ITGAV: variants seen among roughly 807,000 people sequenced by gnomAD.
ITGAV encodes integrin subunit alpha V, also known as integrin alpha-V.
ITGAV carries 76 observed loss-of-function variants against 143.8 expected under a neutral mutation model. The observed-to-expected ratio is 0.53, with a 90% CI of 0.44 to 0.64. The LOEUF (loss-of-function observed/expected upper bound fraction) is 0.64. Ranked by LOEUF, ITGAV falls within the 30% of genes least tolerant of loss-of-function variation. The pLI is 0.00. For synonymous variants in ITGAV, 453 were observed against 446.7 expected, an observed-to-expected ratio of 1.01 and a Z score of -0.18; for missense variants, 1,193 against 1,274.7, an observed-to-expected ratio of 0.94 and a Z score of 0.98.
chr2:186,632,274 T>C (rs1687833065), intron 5 of ITGAV, among the ~76,000 whole-genome samples: 1 of 152,150 alleles, frequency 6.6e-6, no homozygotes, highest in African/African-American at 2.4e-5. Flanking sequence ...AAATATATAA[T>C]GTCCATCTTT....
chr2:186,640,983 A>C lies in ITGAV; in HGVS notation c.956+16A>C. On this transcript the variant is annotated intron_variant, in intron 11 of 29. Transcript: ENST00000261023. ...ATGGAGATGAGTAAGTTTAAAAAAA[A>C]ATGTTTCCAGAAAGTTATCTTCTCA... 1 of 1,576,372 alleles carries C rather than the reference A, an allele frequency of 6.3e-7. No individual in the cohort carries two copies. The highest frequency in any genetic ancestry group is 8.7e-7 in the Non-Finnish European group (1 of 1,154,894).
rs545851146 is a variant in ITGAV at position 186,663,424 on chromosome 2, A to G, written c.1858-344A>G. Among the ~76,000 whole-genome samples, 218 of 152,304 alleles carry G rather than the reference A, an allele frequency of 1.4e-3. 3 individuals are homozygous for G. The Middle Eastern group carries it at 0.017, about 12-fold the overall frequency. On this transcript the variant is annotated intron_variant, in intron 18 of 29. Transcript: ENST00000261023. Reference sequence around the variant, plus strand: ...CTCACAACTTAACTAGCAGCAGGGTAAAAATGAAGCCTCATTTCTTGGCTA... The same window carrying G: ...CTCACAACTTAACTAGCAGCAGGGTGAAAATGAAGCCTCATTTCTTGGCTA...
chr2:186,614,605 T>G lies in ITGAV; in HGVS notation c.317-7734T>G, dbSNP rs73050265. ...TATCTTGTTTTAATTTACATTTCTGTCATTTCTGGTAAGCTTGAGTCTTTT... is the reference window on the plus strand; with the variant it reads ...TATCTTGTTTTAATTTACATTTCTGGCATTTCTGGTAAGCTTGAGTCTTTT... On this transcript the variant is annotated intron_variant, in intron 2 of 29. Transcript: ENST00000261023. Among the ~76,000 whole-genome samples the G allele has an allele frequency of 7.7e-3, 1,167 of 152,164 alleles. 19 individuals are homozygous for G. Among genetic ancestry groups the G allele is most frequent in the African/African-American group, 0.027 (1,123 of 41,566 alleles).
intron 14 of ITGAV, 29 bp downstream of exon 14, chr2:186,649,914 G>A (rs200037871): frequency 1.5e-5 from 21 of 1,435,408 alleles, no homozygotes; most frequent in Admixed American, 2.2e-5. Flanking sequence ...CTGCGGTATA[G>A]GAATATTCTG....
chr2:186,651,302 G>A (rs1688421609), intron 14 of ITGAV, among the ~76,000 whole-genome samples: 1 of 152,174 alleles, frequency 6.6e-6, no homozygotes, highest in Admixed American at 6.5e-5. Context: ...ATTGACTTGA[G>A]CCAGCTGTAT....
chr2:186,642,352 TAAG>T (rs1027166069), intron 12 of ITGAV, among the ~76,000 whole-genome samples: 2 of 150,516 alleles, frequency 1.3e-5, no homozygotes, highest in African/African-American at 2.4e-5. Flanking sequence ...AGGTATACAT[TAAG>T]AAGAAAACTT....
At chr2:186,614,862 A>G (rs1687309819) in intron 2 of ITGAV, among the ~76,000 whole-genome samples, 1 of 151,952 alleles carries the variant, frequency 6.6e-6, no homozygotes, top group Admixed American at 6.5e-5. Flanking sequence ...AGTTTTATTG[A>G]GATATAATTT....
chr2:186,680,451 T>G lies in ITGAV; in HGVS notation c.*3159T>G, dbSNP rs1689321041. 1 of 152,554 alleles carries G rather than the reference T, an allele frequency of 6.6e-6. No individual in the cohort carries two copies. The highest frequency in any genetic ancestry group is 6.6e-5 in the Admixed American group (1 of 15,266). 9.5% of individuals were successfully genotyped at this position (152,554 alleles called of 1,614,324 possible). ...GAGAGGTACTGAATCTTTGATGTTT[T>G]TTGTCATTGTTCTCAAGTGCAATAT... is the stretch of plus-strand genomic sequence containing the variant. On this transcript the variant is annotated 3_prime_UTR_variant, in exon 30 of 30. Coordinates refer to ENST00000261023, the MANE Select transcript of ITGAV (RefSeq NM_002210.5).
rs762789369 is a variant in ITGAV, at chr2:186,641,546, G to A, written c.1117G>A (p.Ala373Thr). The change falls in exon 12 of 30, where the codon GCC becomes ACC. Residue 373 changes from alanine to threonine, a missense_variant. Coordinates refer to ENST00000261023, the MANE Select transcript of ITGAV (RefSeq NM_002210.5). ...TGAGGTCTTTGCACGGTTTGGCAGTGCCATAGCTCCTTTGGGAGATCTGGA... is the reference window on the plus strand; with the variant it reads ...TGAGGTCTTTGCACGGTTTGGCAGTACCATAGCTCCTTTGGGAGATCTGGA... ...GFEVFARFGS[A>T]IAPLGDLDQD... 1.1e-5 allele frequency: 18 copies of A among 1,614,034 alleles called. No individual in the cohort carries two copies. The Admixed American group carries it at 3.0e-4, about 27-fold the overall frequency.
chr2:186,663,486 G>A (rs1306136114), intron 18 of ITGAV, among the ~76,000 whole-genome samples: 1 of 152,078 alleles, frequency 6.6e-6, no homozygotes, highest in Non-Finnish European at 1.5e-5. Context: ...ATTCAAATAT[G>A]ATAACAGCTT....
chr2:186,667,183 A>G lies in ITGAV; in HGVS notation c.2280A>G (p.Val760=), dbSNP rs764755228. Reference sequence around the variant, plus strand: ...TATTTGACAAAGTAAGCCCAGTTGTATCTCACAAAGTTGATCTTGCTGTTT... The same window carrying G: ...TATTTGACAAAGTAAGCCCAGTTGTGTCTCACAAAGTTGATCTTGCTGTTT... The part of the protein sequence containing the change: ...SNLFDKVSPV[V]SHKVDLAVLA... The change falls in exon 23 of 30, where the codon GTA becomes GTG. Residue 760 remains valine (V), a synonymous_variant. Transcript: ENST00000261023. The G allele has an allele frequency of 3.1e-6, 5 of 1,611,884 alleles. No individual in the cohort carries two copies. The highest frequency in any genetic ancestry group is 1.7e-4 in the Middle Eastern group (1 of 6,030).
At chr2:186,669,480 A>C (rs1431794634) in intron 25 of ITGAV, among the ~76,000 whole-genome samples, 1 of 152,238 alleles carries the variant, frequency 6.6e-6, no homozygotes, top group Non-Finnish European at 1.5e-5. Context: ...GCAAGGGCTG[A>C]AAATAATGGT....
intron 26 of ITGAV, among the ~76,000 whole-genome samples, chr2:186,671,982 C>T (rs1246290362): frequency 3.6e-5 from 5 of 138,960 alleles, no homozygotes; most frequent in African/African-American, 8.1e-5. Context: ...GACAGAGTCT[C>T]GCTCTGTCAC....
At chr2:186,625,642 G>A in intron 4 of ITGAV, 55 bp downstream of exon 4, 1 of 839,478 alleles carries the variant, frequency 1.2e-6, no homozygotes, top group Admixed American at 2.6e-5. Context: ...AGCCTAGTTT[G>A]TTAAAAATAT....
At chr2:186,617,607 G>A (rs1687401297) in intron 2 of ITGAV, among the ~76,000 whole-genome samples, 1 of 152,114 alleles carries the variant, frequency 6.6e-6, no homozygotes, top group Admixed American at 6.5e-5. Context: ...GAAAGTGGTA[G>A]CATAGAGCCT....
At position 186,677,415 on chromosome 2, in the gene ITGAV, T is replaced by C; in HGVS notation, c.*123T>C. On this transcript the variant is annotated 3_prime_UTR_variant, in exon 30 of 30. Coordinates refer to ENST00000261023, the MANE Select transcript of ITGAV (RefSeq NM_002210.5). ...TACTGCTGATAGTGCTAATTGGCAT[T>C]AACCACAAAATGAGAATTATATTTG... 3.0e-6 allele frequency: 2 copies of C among 675,596 alleles called. No homozygotes were observed. Among genetic ancestry groups the C allele is most frequent in the Non-Finnish European group, 5.2e-6 (2 of 385,288 alleles). 41.9% of individuals were successfully genotyped at this position (675,596 alleles called of 1,614,324 possible). A position where few individuals can be genotyped will look rare whatever the true frequency, so the allele number is the denominator to read the frequency against.
intron 4 of ITGAV, 68 bp from the exon 5 acceptor site, chr2:186,630,729 T>G: frequency 1.2e-6 from 1 of 852,894 alleles, no homozygotes; most frequent in Non-Finnish European, 2.0e-6. Flanking sequence ...TGATATCAGA[T>G]TTTCTCATGT....
At chr2:186,591,674 C>G (rs1264329202) in intron 1 of ITGAV, among the ~76,000 whole-genome samples, 1 of 152,188 alleles carries the variant, frequency 6.6e-6, no homozygotes, top group Non-Finnish European at 1.5e-5. Context: ...GGACACTCAG[C>G]AGAATTTAGT....
intron 17 of ITGAV, 34 bp from the exon 18 acceptor site, chr2:186,659,004 C>T (rs758770235): frequency 7.7e-6 from 12 of 1,555,302 alleles, no homozygotes; most frequent in South Asian, 4.7e-5. Flanking sequence ...TTTAGGTTGA[C>T]GTTATCATTA....
Sources: allele counts gnomAD v4.1 joint callset (sites outside exome capture counted in the v4.1 genomes callset), GRCh38; gene constraint gnomAD v4.1.1; transcripts MANE v1.5; gene names NCBI Gene and HGNC (gene_info 2026-07-23, HGNC 2026-07-21).